Variants in MAP6 observed in about 807,000 individuals in gnomAD.
MAP6 encodes microtubule-associated protein 6.
Under a neutral mutation model 42.4 loss-of-function variants are expected in MAP6, and 26 were observed. That is an observed-to-expected ratio of 0.61 (90% CI 0.45 to 0.85). MAP6 has a LOEUF of 0.85. MAP6 is among the 40% of genes least tolerant of loss of function. MAP6 has a pLI of 0.00. For missense variants in MAP6, 966 were observed against 1,099.0 expected, an observed-to-expected ratio of 0.88 and a Z score of 1.71; for synonymous variants, 418 against 443.8, an observed-to-expected ratio of 0.94 and a Z score of 0.73.
chr11:75,614,509 A>G (rs1356078830), intron 1 of MAP6, among the ~76,000 whole-genome samples: 2 of 152,204 alleles, frequency 1.3e-5, no homozygotes, highest in Non-Finnish European at 2.9e-5. Context: ...TCTCTGGGGC[A>G]GCAAGCTGCC....
Position 75,602,668 on chromosome 11 carries a change from C to T in MAP6, c.1316+3140G>A, listed in dbSNP as rs1942685024. 2.0e-5 allele frequency among the ~76,000 whole-genome samples: 3 copies of T among 152,170 alleles called. No individual in the cohort carries two copies. The South Asian group carries it at 6.2e-4, about 32-fold the overall frequency. On this transcript the variant is annotated intron_variant, in intron 3 of 3. Transcript: ENST00000304771. The stretch of plus-strand genomic sequence containing the variant: ...CAGTGCGTCTCCCGGTCCATCTTCG[C>T]TTTCCCAAAACTTAGCTCTGACTGC...
At chr11:75,606,582 T>C (rs1462934292) in intron 2 of MAP6, among the ~76,000 whole-genome samples, 1 of 152,204 alleles carries the variant, frequency 6.6e-6, no homozygotes, top group Non-Finnish European at 1.5e-5. Flanking sequence ...GATGCAGATG[T>C]TCTGGGGCGG....
intron 1 of MAP6, among the ~76,000 whole-genome samples, chr11:75,622,041 A>AAAG (rs1002744430): frequency 1.7e-4 from 26 of 152,070 alleles, no homozygotes; most frequent in African/African-American, 6.0e-4. Context: ...CAAAAAAACA[A>AAAG]AACAACAACA....
chr11:75,643,463 A>C (rs1478652458), intron 1 of MAP6, among the ~76,000 whole-genome samples: 1 of 152,186 alleles, frequency 6.6e-6, no homozygotes, highest in African/African-American at 2.4e-5. Context: ...AAGATTAGTA[A>C]GGTGCTTGGC....
chr11:75,630,191 T>C (rs1175857810), intron 1 of MAP6, among the ~76,000 whole-genome samples: 2 of 152,208 alleles, frequency 1.3e-5, no homozygotes, highest in African/African-American at 2.4e-5. Context: ...AGAACCAGCA[T>C]GGGACTCCTG....
At chr11:75,653,153 G>A (rs1943677989) in intron 1 of MAP6, among the ~76,000 whole-genome samples, 2 of 152,162 alleles carry the variant, frequency 1.3e-5, no homozygotes, top group Non-Finnish European at 2.9e-5. Context: ...AACGGCAATG[G>A]ACCAATTCAC....
At chr11:75,604,853 C>T (rs1942729249) in intron 3 of MAP6, 23 of 985,482 alleles carry the variant, frequency 2.3e-5, no homozygotes, top group Non-Finnish European at 2.7e-5. Flanking sequence ...GAGGAGCAGA[C>T]CAGAGCGGTT....
intron 3 of MAP6, among the ~76,000 whole-genome samples, chr11:75,600,239 T>C (rs1398054991): frequency 2.0e-5 from 3 of 152,030 alleles, no homozygotes; most frequent in African/African-American, 7.3e-5. Context: ...TGAGGGGGGG[T>C]ATTAGTGTCC....
chr11:75,647,347 C>CAAAAAAAAAAAAAAAAAAAACCACAAAAA (rs1943575731), intron 1 of MAP6, among the ~76,000 whole-genome samples: 1 of 44,188 alleles, frequency 2.3e-5, no homozygotes, highest in Non-Finnish European at 4.3e-5. Context: ...CCCACCTGAT[C>CAAAAAAAAAAAAAAAAAAAACCACAAAAA]AAAAAAAAAA....
intron 3 of MAP6, among the ~76,000 whole-genome samples, chr11:75,601,956 T>G (rs1942670774): frequency 6.6e-6 from 1 of 151,584 alleles, no homozygotes; most frequent in African/African-American, 2.4e-5. Flanking sequence ...TAGAATGGCC[T>G]CCTCCTTCGT....
chr11:75,641,805 C>G (rs1008236673), intron 1 of MAP6, among the ~76,000 whole-genome samples: 10 of 152,198 alleles, frequency 6.6e-5, no homozygotes, highest in African/African-American at 2.4e-4. Context: ...GCCTGAGATG[C>G]CACGCTCTAC....
chr11:75,631,521 G>A (rs1009008963), intron 1 of MAP6, among the ~76,000 whole-genome samples: 1 of 152,130 alleles, frequency 6.6e-6, no homozygotes, highest in Non-Finnish European at 1.5e-5. Flanking sequence ...GCAGGAGACG[G>A]TACAAATGCA....
At chr11:75,652,291 C>T (rs1943660078) in intron 1 of MAP6, among the ~76,000 whole-genome samples, 1 of 152,094 alleles carries the variant, frequency 6.6e-6, no homozygotes, top group African/African-American at 2.4e-5. Context: ...AGCTTGTCTC[C>T]CACCATGTCA....
chr11:75,627,192 T>A (rs970757577), intron 1 of MAP6, among the ~76,000 whole-genome samples: 2 of 152,272 alleles, frequency 1.3e-5, no homozygotes, highest in Non-Finnish European at 2.9e-5. Context: ...ACTCCGCACC[T>A]GACTTCCCAA....
intron 3 of MAP6, chr11:75,596,100 T>C (rs1942574814): frequency 6.6e-6 from 1 of 152,250 alleles, no homozygotes; most frequent in South Asian, 2.1e-4. Context: ...CTCCAAATGA[T>C]AACATCTCTT....
Position 75,587,121 on chromosome 11 carries a change from G to T in MAP6, c.2380C>A (p.Pro794Thr). 1 of 1,613,334 alleles carries T rather than the reference G, an allele frequency of 6.2e-7. No homozygotes were observed. Among genetic ancestry groups the T allele is most frequent in the Non-Finnish European group, 8.5e-7 (1 of 1,179,370 alleles). ...GTTGGGATCATGACTCGGGGTAGAG[G>T]TGAGACAGTAGGTAGCTGAGGGTCC... is the stretch of plus-strand genomic sequence containing the variant. ...PRDPQLPTVS[P>T]LPRVMIPTAP... The change falls in exon 4 of 4, where the codon CCT becomes ACT. Residue 794 changes from proline (P) to threonine (T), a missense_variant. Around this residue, in one of 2 missense-constraint regions of MAP6, gnomAD observed 943 missense variants for 1,049.9 expected, o/e 0.90. Transcript: ENST00000304771.
At chr11:75,635,806 G>C (rs2135643336) in intron 1 of MAP6, 1 of 152,390 alleles carries the variant, frequency 6.6e-6, no homozygotes, top group African/African-American at 2.4e-5. Flanking sequence ...CATTGTGTCT[G>C]TGTGTTTAAC....
At chr11:75,647,442 C>T (rs550977280) in intron 1 of MAP6, among the ~76,000 whole-genome samples, 54 of 146,890 alleles carry the variant, frequency 3.7e-4, no homozygotes, top group Admixed American at 2.2e-3. Context: ...AGAAATGCAT[C>T]GAAAAGGAGT....
intron 1 of MAP6, among the ~76,000 whole-genome samples, chr11:75,662,969 T>C (rs1169779506): frequency 2.6e-5 from 4 of 151,286 alleles, no homozygotes; most frequent in Admixed American, 2.6e-4. Context: ...GTACTTTTTT[T>C]TTTTTTTTTT....
Sources: gnomAD v4.1 joint callset for allele counts (sites outside exome capture counted in the v4.1 genomes callset) on GRCh38, gnomAD v4.1.1 for gene constraint, gnomAD v4.1.1 regional missense constraint, MANE v1.5 for transcripts, NCBI Gene and HGNC (gene_info 2026-07-23, HGNC 2026-07-21) for gene names.